The following SHISA9 variants were observed in gnomAD, a reference collection of about 807,000 sequenced individuals.
The protein encoded by SHISA9 is shisa family member 9, also known as protein shisa-9.
A neutral mutation model predicts 38.0 loss-of-function variants in SHISA9; 13 were observed. That is an observed-to-expected ratio of 0.34 (90% confidence interval 0.22 to 0.54). The LOEUF is 0.54. Among genes scored for constraint, SHISA9 ranks in the 20% least tolerant of loss-of-function variants. The pLI, the probability that SHISA9 is intolerant of heterozygous loss-of-function variation, is 0.91. For missense variants in SHISA9, 538 were observed against 575.8 expected (o/e 0.93, Z 0.67); for synonymous variants, 275 against 242.0 (o/e 1.14, Z -1.27).
the SHISA9 span, among the ~76,000 whole-genome samples, chr16:13,474,990 A>G: frequency 2.6e-5 from 4 of 152,184 alleles, no homozygotes; most frequent in Non-Finnish European, 4.4e-5. Flanking sequence ...TTCCATTCTA[A>G]GAGGAGTGCT....
chr16:12,908,774 C>A, intron 1 of SHISA9: 1 of 1,389,106 alleles, frequency 7.2e-7, no homozygotes. Flanking sequence ...GCCCAGACGT[C>A]TTGGTGGAGG....
intron 2 of SHISA9, among the ~76,000 whole-genome samples, chr16:13,194,660 A>C (rs1019109787): frequency 1.3e-5 from 2 of 152,118 alleles, no homozygotes; most frequent in Non-Finnish European, 2.9e-5. Context: ...TCAATTCCTC[A>C]ACCCTACCCA....
chr16:13,287,973 G>A, the SHISA9 span, among the ~76,000 whole-genome samples: 6 of 152,090 alleles, frequency 3.9e-5, no homozygotes, highest in Non-Finnish European at 8.8e-5. Flanking sequence ...AGAAGAGTGT[G>A]GATGGACGAG....
chr16:13,528,459 C>T, the SHISA9 span, among the ~76,000 whole-genome samples: 1 of 151,612 alleles, frequency 6.6e-6, no homozygotes, highest in Admixed American at 6.6e-5. Flanking sequence ...GTACTCTGAA[C>T]GTGTCTTATT....
intron 2 of SHISA9, among the ~76,000 whole-genome samples, chr16:13,047,758 C>G (rs781343749): frequency 5.9e-5 from 9 of 152,152 alleles, no homozygotes; most frequent in Non-Finnish European, 1.5e-5. Flanking sequence ...TCACACAACC[C>G]TATGGGCTTA....
chr16:12,947,937 G>A (rs1015928526), intron 2 of SHISA9, among the ~76,000 whole-genome samples: 1 of 152,186 alleles, frequency 6.6e-6, no homozygotes, highest in Non-Finnish European at 1.5e-5. Context: ...AATCGACAGG[G>A]TTTAGAAGAT....
At chr16:13,015,823 TTCTC>T (rs1166402684) in intron 2 of SHISA9, among the ~76,000 whole-genome samples, 1 of 147,858 alleles carries the variant, frequency 6.8e-6, no homozygotes, top group Admixed American at 6.7e-5. Flanking sequence ...GTTTGTTTGT[TTCTC>T]TCTCTCTCTT....
Position 12,902,242 on chromosome 16 carries a change from G to T in SHISA9, c.178G>T (p.Ala60Ser). The change falls in exon 1 of 5, where the codon GCA (alanine) becomes TCA (serine). Residue 60 changes from alanine to serine, a missense_variant. Around this residue, in one of 4 missense-constraint regions of SHISA9, gnomAD observed 107 missense variants for 103.0 expected, o/e 1.04. Transcript: ENST00000558583. ...ASGEASEGAEASDAPPTRAPT... is the reference protein window; with the variant it reads ...ASGEASEGAESSDAPPTRAPT... ...CGGAGAGGCCAGCGAGGGCGCTGAG[G>T]CATCGGACGCGCCCCCGACCCGGGC... 6.5e-7 allele frequency: 1 copy of T among 1,543,518 alleles called. No homozygotes were observed. The highest frequency in any genetic ancestry group is 8.7e-7 in the Non-Finnish European group (1 of 1,146,458).
At chr16:13,229,722 A>G (rs1361485396) in intron 4 of SHISA9, among the ~76,000 whole-genome samples, 1 of 152,218 alleles carries the variant, frequency 6.6e-6, no homozygotes, top group Non-Finnish European at 1.5e-5. Context: ...CTCGTGGTCT[A>G]GTGGGGAAAC....
intron 2 of SHISA9, among the ~76,000 whole-genome samples, chr16:12,997,452 G>A (rs1388879389): frequency 6.7e-6 from 1 of 148,822 alleles, no homozygotes; most frequent in Non-Finnish European, 1.5e-5. Context: ...TGTTGGCCAA[G>A]GTGGAGTGCA....
intron 2 of SHISA9, among the ~76,000 whole-genome samples, chr16:13,095,171 T>C (rs2073813022): frequency 6.6e-6 from 1 of 152,222 alleles, no homozygotes; most frequent in Admixed American, 6.5e-5. Flanking sequence ...GCAACGTGTA[T>C]TTGGAGCTTG....
intron 2 of SHISA9, among the ~76,000 whole-genome samples, chr16:13,174,787 G>A (rs1396781817): frequency 6.6e-6 from 1 of 152,120 alleles, no homozygotes; most frequent in Non-Finnish European, 1.5e-5. Context: ...AGTGTGAGAG[G>A]TCCAAAGGAG....
intron 2 of SHISA9, among the ~76,000 whole-genome samples, chr16:13,060,638 A>C (rs2073363112): frequency 1.9e-4 from 2 of 10,754 alleles, no homozygotes; most frequent in African/African-American, 7.5e-4. Flanking sequence ...ACCCCATCTC[A>C]AAAAAAAAAA....
chr16:13,051,664 T>C (rs2073252809), intron 2 of SHISA9, among the ~76,000 whole-genome samples: 1 of 152,220 alleles, frequency 6.6e-6, no homozygotes, highest in African/African-American at 2.4e-5. Context: ...AAAGTGAATG[T>C]TGAAAGCCAG....
intron 2 of SHISA9, among the ~76,000 whole-genome samples, chr16:13,052,889 A>C (rs1307441469): frequency 6.6e-6 from 1 of 151,894 alleles, no homozygotes; most frequent in Non-Finnish European, 1.5e-5. Context: ...TGGAGAATTT[A>C]AGTTAATTAC....
At chr16:13,372,215 G>A in the SHISA9 span, among the ~76,000 whole-genome samples, 13 of 152,312 alleles carry the variant, frequency 8.5e-5, no homozygotes, top group Non-Finnish European at 1.6e-4. Flanking sequence ...CTCCAGGTGG[G>A]TAGGCACACT....
At chr16:13,436,760 C>T in the SHISA9 span, among the ~76,000 whole-genome samples, 1 of 147,296 alleles carries the variant, frequency 6.8e-6, no homozygotes, top group African/African-American at 2.6e-5. Context: ...GACACACAGT[C>T]AGAGATGTTA....
the SHISA9 span, among the ~76,000 whole-genome samples, chr16:13,519,046 T>C: frequency 6.6e-6 from 1 of 152,198 alleles, no homozygotes; most frequent in East Asian, 1.9e-4. Context: ...AAGTTTCCAA[T>C]ATATGCTTTT....
chr16:13,331,404 A>T, the SHISA9 span: 11 of 100,678 alleles, frequency 1.1e-4, no homozygotes, highest in Non-Finnish European at 2.1e-4. Flanking sequence ...ATTTTTCTGT[A>T]AAAAAAAAAA....
Sources: allele counts gnomAD v4.1 joint callset (sites outside exome capture counted in the v4.1 genomes callset), GRCh38; gene constraint gnomAD v4.1.1; regional missense constraint gnomAD v4.1.1; transcripts MANE v1.5; gene names NCBI Gene and HGNC (gene_info 2026-07-23, HGNC 2026-07-21).